The following MTCL2 variants were observed in gnomAD, a reference collection of about 807,000 sequenced individuals.
The protein encoded by MTCL2 is microtubule crosslinking factor 2, also known as microtubule cross-linking factor 2.
chr20:36,862,616 C>G, the MTCL2 span: 1 of 1,460,232 alleles, frequency 6.8e-7, no homozygotes, highest in Non-Finnish European at 9.0e-7. Flanking sequence ...CTGTGACAGC[C>G]GGCGACCCCT....
the MTCL2 span, chr20:36,829,313 G>T: frequency 8.1e-7 from 1 of 1,228,652 alleles, no homozygotes; most frequent in Non-Finnish European, 1.1e-6. Context: ...CAACCCTAGA[G>T]ACAGGCAGGT....
At chr20:36,830,649 A>C in the MTCL2 span, among the ~76,000 whole-genome samples, 1 of 152,292 alleles carries the variant, frequency 6.6e-6, no homozygotes, top group South Asian at 2.1e-4. Flanking sequence ...TGGGCCCTAG[A>C]CCACTGAATC....
the MTCL2 span, among the ~76,000 whole-genome samples, chr20:36,829,957 C>T: frequency 6.6e-6 from 1 of 152,066 alleles, no homozygotes; most frequent in East Asian, 1.9e-4. Context: ...CAAAATCATG[C>T]CACTGCACTC....
the MTCL2 span, chr20:36,805,837 G>A: frequency 1.3e-6 from 2 of 1,591,800 alleles, no homozygotes; most frequent in African/African-American, 1.4e-5. Context: ...GGACCGGGAA[G>A]GGGCTGGAAA....
the MTCL2 span, among the ~76,000 whole-genome samples, chr20:36,825,522 G>A: frequency 2.6e-5 from 4 of 152,330 alleles, no homozygotes; most frequent in Middle Eastern, 3.4e-3. Flanking sequence ...CTGGAAGAGA[G>A]GGTAGCTGGG....
the MTCL2 span, among the ~76,000 whole-genome samples, chr20:36,810,717 C>CCT: frequency 0.13 from 11,758 of 94,030 alleles, 823 homozygotes; most frequent in Non-Finnish European, 0.16. Context: ...TCTCTCTCTC[C>CCT]CTCTCTCTCT....
the MTCL2 span, chr20:36,863,271 G>C: frequency 1.7e-6 from 2 of 1,192,244 alleles, no homozygotes; most frequent in Non-Finnish European, 2.1e-6. This position sits in a 1 kb window ranked among gnomAD's most constrained non-coding sequence, Gnocchi z 6.2. Flanking sequence ...TTTCCTCTCC[G>C]GGGCAGGCGC....
At chr20:36,829,370 A>G in the MTCL2 span, among the ~76,000 whole-genome samples, 1 of 152,100 alleles carries the variant, frequency 6.6e-6, no homozygotes, top group Non-Finnish European at 1.5e-5. Flanking sequence ...CTGAGGCACA[A>G]AGAGACCAAG....
At chr20:36,788,639 AAAAT>A in the MTCL2 span, among the ~76,000 whole-genome samples, 7 of 152,114 alleles carry the variant, frequency 4.6e-5, no homozygotes, top group Non-Finnish European at 8.8e-5. Context: ...CTCCGTCTCA[AAAAT>A]AAATAAATAA....
the MTCL2 span, among the ~76,000 whole-genome samples, chr20:36,846,718 T>C: frequency 6.6e-6 from 1 of 152,120 alleles, no homozygotes; most frequent in Non-Finnish European, 1.5e-5. Context: ...TAGAAATGGC[T>C]ACCATTGGCC....
the MTCL2 span, among the ~76,000 whole-genome samples, chr20:36,836,374 G>T: frequency 9.0e-6 from 1 of 111,224 alleles, no homozygotes; most frequent in Non-Finnish European, 1.7e-5. Flanking sequence ...TTTTGAGACA[G>T]AGTTTCACTC....
the MTCL2 span, among the ~76,000 whole-genome samples, chr20:36,789,664 C>CAA: frequency 1.7e-5 from 2 of 115,396 alleles, no homozygotes; most frequent in Non-Finnish European, 1.9e-5. Context: ...GGCTCCGTCT[C>CAA]AAAAAAAAAA....
chr20:36,814,964 G>C, the MTCL2 span, among the ~76,000 whole-genome samples: 6 of 151,448 alleles, frequency 4.0e-5, no homozygotes, highest in Non-Finnish European at 7.4e-5. Context: ...AGGAGAGTGA[G>C]GGGGGGAGAA....
the MTCL2 span, among the ~76,000 whole-genome samples, chr20:36,788,592 C>T: frequency 2.6e-5 from 4 of 152,098 alleles, no homozygotes; most frequent in South Asian, 2.1e-4. Flanking sequence ...GAGCCAAGAT[C>T]GTGCCACTGC....
chr20:36,787,372 C>T, the MTCL2 span, among the ~76,000 whole-genome samples: 10 of 151,948 alleles, frequency 6.6e-5, no homozygotes, highest in Non-Finnish European at 1.3e-4. Context: ...AGATTACAAG[C>T]GTGTGCCACC....
At chr20:36,843,906 A>AT in the MTCL2 span, among the ~76,000 whole-genome samples, 10 of 152,192 alleles carry the variant, frequency 6.6e-5, no homozygotes, top group East Asian at 1.5e-3. Context: ...TTTGGAAATC[A>AT]TTTTTTTTAA....
At chr20:36,833,551 C>A in the MTCL2 span, among the ~76,000 whole-genome samples, 14 of 152,350 alleles carry the variant, frequency 9.2e-5, no homozygotes, top group East Asian at 2.7e-3. Flanking sequence ...GGAGCTCTCA[C>A]GAAAGAGCAG....
the MTCL2 span, among the ~76,000 whole-genome samples, chr20:36,814,491 A>G: frequency 6.6e-6 from 1 of 152,084 alleles, no homozygotes; most frequent in Non-Finnish European, 1.5e-5. Context: ...GCTCACACCT[A>G]TAGTCCTAGC....
the MTCL2 span, among the ~76,000 whole-genome samples, chr20:36,786,953 A>T: frequency 6.6e-6 from 1 of 152,130 alleles, no homozygotes; most frequent in Non-Finnish European, 1.5e-5. Flanking sequence ...AAACACGAAC[A>T]CTTTTCTGTC....
Sources: gnomAD v4.1 joint callset for allele counts (sites outside exome capture counted in the v4.1 genomes callset) on GRCh38, gnomAD v4.1.1 for gene constraint, Gnocchi (gnomAD v3.1) non-coding constraint, MANE v1.5 for transcripts, NCBI Gene and HGNC (gene_info 2026-07-23, HGNC 2026-07-21) for gene names.